TMEM164: variants seen among roughly 807,000 people sequenced by gnomAD.
The protein encoded by TMEM164 is transmembrane protein 164.
TMEM164 carries 4 observed loss-of-function variants against 18.8 expected under a neutral mutation model. The observed-to-expected ratio is 0.21, with a 90% CI of 0.10 to 0.49. The LOEUF (loss-of-function observed/expected upper bound fraction) is 0.49, where lower values mean the gene tolerates loss of function less well. Ranked by LOEUF, TMEM164 falls within the 20% of genes least tolerant of loss-of-function variation. TMEM164 has a pLI of 0.98. For synonymous variants in TMEM164, 86 were observed against 101.7 expected, an observed-to-expected ratio of 0.85 and a Z score of 0.93; for missense variants, 108 against 239.9, an observed-to-expected ratio of 0.45 and a Z score of 3.63.
intron 4 of TMEM164, among the ~76,000 whole-genome samples, chrX:110,115,479 G>A (rs1168844446): frequency 9.0e-6 from 1 of 111,598 alleles, no homozygotes; most frequent in Non-Finnish European, 1.9e-5. Flanking sequence ...GATGTGGGGG[G>A]TATTGAGATG....
At chrX:110,116,655 G>A (rs932957126) in intron 4 of TMEM164, among the ~76,000 whole-genome samples, 3 of 111,840 alleles carry the variant, frequency 2.7e-5, no homozygotes, top group Non-Finnish European at 3.8e-5. Flanking sequence ...TAGATTTTGT[G>A]TACATTTCCT....
rs190974928 is a variant in TMEM164, at chrX:110,131,415, C to T, written c.508-13383C>T. On this transcript the variant is annotated intron_variant, in intron 4 of 6. Transcript: ENST00000372068. ...TGGAGGGTAACACAGACTACCTGTG[C>T]GGATGAAGAACTGGGAGTTTAGTAC... Among the ~76,000 whole-genome samples the T allele has an allele frequency of 2.3e-3, 258 of 111,558 alleles. 3 individuals carry two copies. The Middle Eastern group carries it at 0.028, about 12-fold the overall frequency.
intron 2 of TMEM164, among the ~76,000 whole-genome samples, chrX:110,040,902 T>A (rs891239150): frequency 7.2e-5 from 8 of 111,711 alleles, no homozygotes; most frequent in Admixed American, 3.8e-4. Context: ...CCTATTTGAC[T>A]GACTCTTTGG....
chrX:110,141,943 T>C (rs372429066), intron 4 of TMEM164, among the ~76,000 whole-genome samples: 1 of 111,833 alleles, frequency 8.9e-6, no homozygotes, highest in Non-Finnish European at 1.9e-5. Flanking sequence ...CAGTGGCATA[T>C]GCACCTAGTT....
At chrX:110,039,098 G>T (rs992966473) in intron 2 of TMEM164, among the ~76,000 whole-genome samples, 2 of 111,717 alleles carry the variant, frequency 1.8e-5, no homozygotes, top group African/African-American at 3.3e-5. Context: ...TCTGTAAAAT[G>T]GGGATAATAA....
chrX:110,152,372 G>A (rs950988020), intron 5 of TMEM164, among the ~76,000 whole-genome samples: 3 of 110,825 alleles, frequency 2.7e-5, no homozygotes, highest in Non-Finnish European at 3.8e-5. Context: ...ACCTTTCTAT[G>A]TAATTTATCT....
At position 110,107,793 on chromosome X, in the gene TMEM164, G is replaced by A. The variant is rs1033833984; in HGVS notation, c.441-1287G>A. Among the ~76,000 whole-genome samples the A allele has an allele frequency of 6.4e-5, 7 of 109,271 alleles. No homozygotes were observed. The East Asian group carries it at 2.0e-3, about 31-fold the overall frequency. 94.9% of individuals were successfully genotyped at this position (109,271 alleles called of 115,157 possible). A position where few individuals can be genotyped will look rare whatever the true frequency, so the allele number is the denominator to read the frequency against. On this transcript the variant is annotated intron_variant, in intron 3 of 6. Transcript: ENST00000372068. ...TTGTGCCTCAGCCTCCCGAGTAGCCGAGGTTACAGGCGCCTGCCACCATGC... is the reference window on the plus strand; with the variant it reads ...TTGTGCCTCAGCCTCCCGAGTAGCCAAGGTTACAGGCGCCTGCCACCATGC...
At chrX:110,077,514 CT>C (rs1444157423) in intron 3 of TMEM164, among the ~76,000 whole-genome samples, 1 of 111,417 alleles carries the variant, frequency 9.0e-6, no homozygotes, top group African/African-American at 3.3e-5. Flanking sequence ...TAATTGGTTG[CT>C]TTGTAGTCTC....
rs746973766 is a variant in TMEM164, at chrX:110,173,438, A to G, written c.881A>G (p.Lys294Arg). The stretch of plus-strand genomic sequence containing the variant: ...CTGGATTTGCTCCGGCTTCCAGCCA[A>G]GAAAATAGACTGAAGGTGCTTATTT... ...YLLDLLRLPA[K>R]KID The change falls in exon 7 of 7, where the codon AAG (lysine) becomes AGG (arginine). Residue 294 changes from lysine to arginine, a missense_variant. Transcript: ENST00000372068. The G allele has an allele frequency of 1.7e-6, 2 of 1,206,999 alleles. No homozygotes were observed. Among genetic ancestry groups the G allele is most frequent in the Non-Finnish European group, 2.2e-6 (2 of 894,317 alleles).
At chrX:110,089,824 G>A (rs1339030727) in intron 3 of TMEM164, among the ~76,000 whole-genome samples, 2 of 111,795 alleles carry the variant, frequency 1.8e-5, no homozygotes, top group East Asian at 5.6e-4. Context: ...GCTATTAATA[G>A]TAATGACCCT....
chrX:110,085,606 G>A (rs1009078110), intron 3 of TMEM164, among the ~76,000 whole-genome samples: 2 of 111,255 alleles, frequency 1.8e-5, no homozygotes, highest in African/African-American at 6.5e-5. Flanking sequence ...ATTGTTGGCA[G>A]GCAGGTTGAT....
chrX:110,100,113 A>G (rs989617915), intron 3 of TMEM164, among the ~76,000 whole-genome samples: 3 of 111,811 alleles, frequency 2.7e-5, no homozygotes, highest in Non-Finnish European at 5.6e-5. Context: ...TTTTCCATAC[A>G]TATAATCACG....
At chrX:110,148,588 C>A (rs1352185067) in intron 5 of TMEM164, among the ~76,000 whole-genome samples, 1 of 109,432 alleles carries the variant, frequency 9.1e-6, no homozygotes, top group Non-Finnish European at 1.9e-5. Flanking sequence ...CGACTCATTG[C>A]AGCCTCAACC....
intron 2 of TMEM164, among the ~76,000 whole-genome samples, chrX:110,008,673 C>T (rs1932875588): frequency 9.0e-6 from 1 of 111,633 alleles, no homozygotes; most frequent in South Asian, 3.8e-4. Context: ...AAACAACCCA[C>T]AGGCAGCCCC....
rs184249893 is a variant in TMEM164, at chrX:110,050,088, C to A, written c.391-17259C>A. 7.2e-5 allele frequency among the ~76,000 whole-genome samples: 8 copies of A among 111,783 alleles called. No homozygotes were observed. The East Asian group carries it at 2.3e-3, about 31-fold the overall frequency. On this transcript the variant is annotated intron_variant, in intron 2 of 6. Transcript: ENST00000372068. ...TTTCCTTCAAACCATCAATGCTTTG[C>A]CCCGTCACTGATTTGCTTGTGCGAC...
At chrX:110,015,443 T>C (rs770905390) in intron 2 of TMEM164, among the ~76,000 whole-genome samples, 1 of 112,037 alleles carries the variant, frequency 8.9e-6, no homozygotes, top group African/African-American at 3.2e-5. Context: ...GTTCACACAT[T>C]CTAAGACCTA....
chrX:110,148,101 A>G (rs2066884197), intron 5 of TMEM164, among the ~76,000 whole-genome samples: 1 of 110,265 alleles, frequency 9.1e-6, no homozygotes, highest in African/African-American at 3.3e-5. Context: ...GATGTCTATT[A>G]TAATTGTGCT....
chrX:110,047,864 C>T (rs759728761), intron 2 of TMEM164, among the ~76,000 whole-genome samples: 1 of 112,110 alleles, frequency 8.9e-6, no homozygotes, highest in East Asian at 2.8e-4. Flanking sequence ...AGTCCAACCC[C>T]ACCAGCCCCT....
chrX:110,128,673 A>G (rs2066569647), intron 4 of TMEM164, among the ~76,000 whole-genome samples: 1 of 111,733 alleles, frequency 8.9e-6, no homozygotes, highest in East Asian at 2.8e-4. Flanking sequence ...ATGTTAGTCC[A>G]TCTTACTGTG....
Sources: gnomAD v4.1 joint callset for allele counts (sites outside exome capture counted in the v4.1 genomes callset) on GRCh38, gnomAD v4.1.1 for gene constraint, MANE v1.5 for transcripts, NCBI Gene and HGNC (gene_info 2026-07-23, HGNC 2026-07-21) for gene names.